The following GRID2 variants were observed in gnomAD, a reference collection of about 807,000 sequenced individuals.
GRID2 encodes the protein glutamate ionotropic receptor delta type subunit 2, also known as glutamate receptor ionotropic, delta-2.
Under a neutral mutation model 114.8 loss-of-function variants are expected in GRID2, and 33 were observed. The ratio of observed to expected loss-of-function variants is 0.29; its 90% CI spans 0.22 to 0.38. GRID2 has a LOEUF of 0.38. GRID2 is among the 10% of genes least tolerant of loss of function. The probability of loss-of-function intolerance (pLI) is 1.00; values close to 1 mark genes in which losing one functional copy is unlikely to be tolerated. For missense variants in GRID2, 1,184 were observed against 1,257.7 expected (o/e 0.94, Z 0.89); for synonymous variants, 505 against 449.9 (o/e 1.12, Z -1.55).
intron 2 of GRID2, among the ~76,000 whole-genome samples, chr4:92,625,728 C>T (rs1303113925): frequency 2.0e-5 from 3 of 151,780 alleles, no homozygotes; most frequent in East Asian, 1.9e-4. Flanking sequence ...GCATTTACAA[C>T]GATGTCTGGT....
At chr4:92,342,271 A>T (rs1342858139) in intron 1 of GRID2, among the ~76,000 whole-genome samples, 2 of 152,176 alleles carry the variant, frequency 1.3e-5, no homozygotes, top group Non-Finnish European at 2.9e-5. Flanking sequence ...AAAATAAGTT[A>T]TATGTTAAAT....
At chr4:93,138,654 T>A (rs1009759570) in intron 4 of GRID2, among the ~76,000 whole-genome samples, 1 of 152,214 alleles carries the variant, frequency 6.6e-6, no homozygotes, top group Non-Finnish European at 1.5e-5. Context: ...CCTTTTCTCA[T>A]GCCTCACACA....
chr4:92,412,004 T>A (rs1334677242), intron 1 of GRID2, among the ~76,000 whole-genome samples: 2 of 151,966 alleles, frequency 1.3e-5, no homozygotes, highest in African/African-American at 2.4e-5. Flanking sequence ...TATTTCTTCT[T>A]TTTCTATCTC....
intron 8 of GRID2, among the ~76,000 whole-genome samples, chr4:93,250,709 T>C (rs1372573309): frequency 6.8e-6 from 1 of 147,276 alleles, no homozygotes; most frequent in East Asian, 2.0e-4. Context: ...TGCATGCGTA[T>C]ATATGTTTAC....
At chr4:92,593,844 T>A (rs527475496) in intron 2 of GRID2, among the ~76,000 whole-genome samples, 6 of 151,112 alleles carry the variant, frequency 4.0e-5, no homozygotes, top group Admixed American at 6.6e-5. Flanking sequence ...CTCACGAGGT[T>A]TTCTTGACAA....
chr4:93,053,212 A>C (rs1300098187), intron 2 of GRID2, among the ~76,000 whole-genome samples: 3 of 151,894 alleles, frequency 2.0e-5, no homozygotes, highest in Non-Finnish European at 4.4e-5. Context: ...CGAAACTATT[A>C]ATACCGGGCA....
chr4:93,276,987 T>C (rs1296585046), intron 8 of GRID2, among the ~76,000 whole-genome samples: 7 of 151,858 alleles, frequency 4.6e-5, no homozygotes. Context: ...GCAAAATGGA[T>C]TTAAGAAGAT....
chr4:92,935,762 A>C (rs1170657117), intron 2 of GRID2, among the ~76,000 whole-genome samples: 1 of 146,146 alleles, frequency 6.8e-6, no homozygotes. Context: ...GGAAATTATC[A>C]TTCTGAGTAA....
In GRID2 at chr4:93,607,351, C is replaced by T. The variant is rs530052785; in HGVS notation, c.2194-18918C>T. ...GCTTTTTAATATTCTGCAAACACAT[C>T]GTAGAAATCCTTCCATAGCACCTTG... On this transcript the variant is annotated intron_variant, in intron 13 of 15. Coordinates refer to ENST00000282020, the MANE Select transcript of GRID2 (RefSeq NM_001510.4). Among the ~76,000 whole-genome samples, 67 of 152,176 alleles carry T rather than the reference C, an allele frequency of 4.4e-4. No homozygotes were observed. In the Middle Eastern group the frequency reaches 0.01, roughly 23 times the overall value.
At chr4:92,675,495 T>C (rs899976052) in intron 2 of GRID2, among the ~76,000 whole-genome samples, 1 of 134,094 alleles carries the variant, frequency 7.5e-6, no homozygotes, top group South Asian at 2.8e-4. Context: ...CTCCAATCAC[T>C]ATTCTTCACT....
At chr4:92,925,863 A>C (rs549663343) in intron 2 of GRID2, among the ~76,000 whole-genome samples, 1 of 152,132 alleles carries the variant, frequency 6.6e-6, no homozygotes, top group Non-Finnish European at 1.5e-5. Context: ...TTATTTCATT[A>C]ATTTCACTAG....
At chr4:93,273,243 A>G (rs977446681) in intron 8 of GRID2, among the ~76,000 whole-genome samples, 2 of 152,238 alleles carry the variant, frequency 1.3e-5, no homozygotes, top group Non-Finnish European at 2.9e-5. Flanking sequence ...GTTAATAAAA[A>G]TTACATATGA....
chr4:92,448,521 A>G (rs889308824), intron 1 of GRID2, among the ~76,000 whole-genome samples: 2 of 152,160 alleles, frequency 1.3e-5, no homozygotes, highest in Non-Finnish European at 2.9e-5. Context: ...ACCAAATTAT[A>G]TACAAATTAA....
At chr4:92,672,229 T>C (rs1461107477) in intron 2 of GRID2, among the ~76,000 whole-genome samples, 3 of 152,110 alleles carry the variant, frequency 2.0e-5, no homozygotes, top group African/African-American at 7.2e-5. Flanking sequence ...TATATCCTTA[T>C]TCATTTCTCA....
intron 2 of GRID2, among the ~76,000 whole-genome samples, chr4:92,907,936 T>A (rs1250159375): frequency 1.3e-5 from 2 of 152,048 alleles, no homozygotes; most frequent in Admixed American, 1.3e-4. Context: ...GGCAGGAGAA[T>A]CGCTTGAATC....
chr4:92,627,381 G>A (rs888971607), intron 2 of GRID2, among the ~76,000 whole-genome samples: 10 of 151,830 alleles, frequency 6.6e-5, no homozygotes, highest in Admixed American at 2.0e-4. Context: ...ATGTTGGTTC[G>A]CTGAACAAAA....
chr4:93,668,302 A>C (rs1446889446), intron 14 of GRID2, among the ~76,000 whole-genome samples: 1 of 151,996 alleles, frequency 6.6e-6, no homozygotes, highest in African/African-American at 2.4e-5. Flanking sequence ...AGATTACTGA[A>C]ATGTATATAA....
At position 92,554,410 on chromosome 4, in the gene GRID2, G is replaced by T. The variant is rs6834619; in HGVS notation, c.89-35721G>T. On this transcript the variant is annotated intron_variant, in intron 1 of 15. Coordinates refer to ENST00000282020, the MANE Select transcript of GRID2 (RefSeq NM_001510.4). ...TTTGAAATGTACAAGGTTCTGTTCC[G>T]AGTATAAAGCTTGCTGAAGACCATT... Among the ~76,000 whole-genome samples, 40 of 152,218 alleles carry T rather than the reference G, an allele frequency of 2.6e-4. 1 individual carries two copies. In the South Asian group the frequency reaches 4.1e-3, roughly 16 times the overall value.
chr4:93,137,002 G>A (rs1307300463), intron 4 of GRID2, among the ~76,000 whole-genome samples: 1 of 152,048 alleles, frequency 6.6e-6, no homozygotes, highest in Admixed American at 6.6e-5. Context: ...GTTGATTATG[G>A]CAGACAAAAA....
Sources: gnomAD v4.1 joint callset for allele counts (sites outside exome capture counted in the v4.1 genomes callset) on GRCh38, gnomAD v4.1.1 for gene constraint, MANE v1.5 for transcripts, NCBI Gene and HGNC (gene_info 2026-07-23, HGNC 2026-07-21) for gene names.